The following ZNF565 variants were observed in gnomAD, a reference collection of about 807,000 sequenced individuals.
The protein encoded by ZNF565 is zinc finger protein 565.
A neutral mutation model predicts 39.4 loss-of-function variants in ZNF565; 27 were observed. That is an observed-to-expected ratio of 0.69 (90% CI 0.51 to 0.95). The LOEUF (loss-of-function observed/expected upper bound fraction) is 0.95, where lower values mean the gene tolerates loss of function less well. Ranked by LOEUF, ZNF565 falls within the 40% of genes least tolerant of loss-of-function variation. The probability of loss-of-function intolerance (pLI) is 0.00; values close to 1 mark genes in which losing one functional copy is unlikely to be tolerated. For synonymous variants in ZNF565, 185 were observed against 216.6 expected (o/e 0.85, Z 1.28); for missense variants, 524 against 621.1 (o/e 0.84, Z 1.66).
At position 36,205,908 on chromosome 19, in the gene ZNF565, C is replaced by T. The variant is rs116430490; in HGVS notation, c.-65-3858G>A. 4.3e-3 allele frequency among the ~76,000 whole-genome samples: 647 copies of T among 151,482 alleles called. 4 individuals are homozygous for T. The highest frequency in any genetic ancestry group is 0.013 in the African/African-American group (554 of 41,268). On this transcript the variant is annotated intron_variant, in intron 1 of 4. Coordinates refer to ENST00000304116, the MANE Select transcript of ZNF565 (RefSeq NM_152477.5). ...GTGTCAACTGGCACTGTTCTAGGAA[C>T]GAGGAAAGAAAATAATTCAAGTCCC... is the stretch of plus-strand genomic sequence containing the variant.
chr19:36,182,561 GA>G lies in ZNF565; in HGVS notation c.1404del (p.His469IlefsTer35). The G allele has an allele frequency of 6.2e-7, 1 of 1,613,894 alleles. No homozygotes were observed. Among genetic ancestry groups the G allele is most frequent in the Non-Finnish European group, 8.5e-7 (1 of 1,179,888 alleles). Reference protein sequence around the residue: ...RSSQLTEHQRIHPGIKPYECR... With the variant: ...RSSQLTEHQRXHPGIKPYECR... ...CATTCGTAAGGTTTGATACCAGGAT[GA>G]ATTCTCTGATGTTCGGTAAGTTGTG... On this transcript the variant is annotated frameshift_variant, in exon 5 of 5. Coordinates refer to ENST00000304116, the MANE Select transcript of ZNF565 (RefSeq NM_152477.5). LOFTEE classifies it high-confidence loss of function.
At chr19:36,238,977 T>TCTTATGAGAATGTAACGC (rs1977749052) in intron 1 of ZNF565, among the ~76,000 whole-genome samples, 1 of 152,104 alleles carries the variant, frequency 6.6e-6, no homozygotes, top group Non-Finnish European at 1.5e-5. Flanking sequence ...GTTGTGCGCT[T>TCTTATGAGAATGTAACGC]CTTATGAGAA....
At chr19:36,202,080 T>A (rs1975985929) in intron 1 of ZNF565, 30 bp from the exon 2 acceptor site, 11 of 1,273,320 alleles carry the variant, frequency 8.6e-6, no homozygotes, top group Admixed American at 3.4e-5. Flanking sequence ...GGAGATGGGG[T>A]AACCTCTGAT....
chr19:36,229,248 C>G (rs992121496), intron 1 of ZNF565, among the ~76,000 whole-genome samples: 1 of 152,218 alleles, frequency 6.6e-6, no homozygotes, highest in East Asian at 1.9e-4. Context: ...CCTGTTCTCA[C>G]ACTTCCCGTT....
chr19:36,202,892 G>A (rs998232708), intron 1 of ZNF565, among the ~76,000 whole-genome samples: 1 of 152,096 alleles, frequency 6.6e-6, no homozygotes, highest in Admixed American at 6.6e-5. Flanking sequence ...CACCAGACAG[G>A]AGCAAGAAAG....
intron 1 of ZNF565, among the ~76,000 whole-genome samples, chr19:36,220,384 A>C (rs888114357): frequency 6.8e-6 from 1 of 147,114 alleles, no homozygotes; most frequent in African/African-American, 2.4e-5. Context: ...TTTATTTTTG[A>C]GACGGAGTCT....
intron 1 of ZNF565, among the ~76,000 whole-genome samples, chr19:36,204,095 A>G (rs1976065748): frequency 6.7e-6 from 1 of 150,356 alleles, no homozygotes; most frequent in African/African-American, 2.5e-5. Flanking sequence ...GACCATAGGC[A>G]TGCACCACCA....
rs532329581 is a variant in ZNF565 at position 36,192,218 on chromosome 19, A to G, written c.232+2015T>C. 1.2e-4 allele frequency among the ~76,000 whole-genome samples: 18 copies of G among 151,786 alleles called. No individual in the cohort carries two copies. The East Asian group carries it at 3.5e-3, about 30-fold the overall frequency. ...TGGCCAGGCTGGTCTCGAACTGCTG[A>G]CCTTGTGATTCGCCCGCCTTGGCCT... On this transcript the variant is annotated intron_variant, in intron 4 of 4. Transcript: ENST00000304116.
chr19:36,194,401 G>T, intron 3 of ZNF565, 73 bp from the exon 4 acceptor site: 1 of 1,255,530 alleles, frequency 8.0e-7, no homozygotes. Flanking sequence ...GGTCACCATG[G>T]AAAAGACGCA....
At chr19:36,198,064 G>A (rs907010076) in intron 2 of ZNF565, among the ~76,000 whole-genome samples, 6 of 152,024 alleles carry the variant, frequency 3.9e-5, no homozygotes, top group South Asian at 2.1e-4. Context: ...CAGGAGAATC[G>A]CTTGAACCCA....
At chr19:36,199,922 A>C (rs1268969369) in intron 2 of ZNF565, among the ~76,000 whole-genome samples, 4 of 152,116 alleles carry the variant, frequency 2.6e-5, no homozygotes, top group Non-Finnish European at 5.9e-5. Flanking sequence ...CAGCCTCCCA[A>C]AGTGCTGAAA....
At chr19:36,208,106 A>G (rs1363122628) in intron 1 of ZNF565, among the ~76,000 whole-genome samples, 14 of 152,214 alleles carry the variant, frequency 9.2e-5, no homozygotes. Context: ...AGCTTCAGAA[A>G]TAAGAGCAGA....
chr19:36,217,055 CTTTTTTTTTTTTTT>C (rs752632008), upstream of ZNF565, among the ~76,000 whole-genome samples: 10 of 65,866 alleles, frequency 1.5e-4, no homozygotes. Context: ...CAGTCCCTGT[CTTTTTTTTTTTTTT>C]TTTTTTTTTT....
intron 1 of ZNF565, among the ~76,000 whole-genome samples, chr19:36,221,284 CTTTTTTTTTTTTTT>C (rs74172797): frequency 2.0e-5 from 2 of 98,700 alleles, no homozygotes; most frequent in African/African-American, 8.4e-5. Context: ...TAAGGGACTG[CTTTTTTTTTTTTTT>C]TTTTTTTTGA....
At chr19:36,221,931 T>TC (rs1017265543) in intron 1 of ZNF565, among the ~76,000 whole-genome samples, 1 of 124,966 alleles carries the variant, frequency 8.0e-6, no homozygotes, top group Non-Finnish European at 1.8e-5. Context: ...TTCTTTCTTT[T>TC]TTTTTTTTTT....
intron 4 of ZNF565, among the ~76,000 whole-genome samples, chr19:36,185,519 C>G (rs1355142914): frequency 6.6e-6 from 1 of 151,908 alleles, no homozygotes; most frequent in Non-Finnish European, 1.5e-5. Context: ...TCAGCAAGAG[C>G]AGGGCCTCTT....
chr19:36,183,151 G>A lies in ZNF565; in HGVS notation c.815C>T (p.Thr272Ile). The change falls in exon 5 of 5, where the codon ACT becomes ATT. Residue 272 changes from threonine (T) to isoleucine (I), a missense_variant. By Grantham distance (89) the Thr-to-Ile change is moderately conservative (BLOSUM62 -1). Coordinates refer to ENST00000304116, the MANE Select transcript of ZNF565 (RefSeq NM_152477.5). ...TACGTAGGGTTTCTCGCCTGTGTGA[G>A]TTCTTTGATGCAGAATCAGCTGTGA... ...QHSQLILHQR[T>I]HTGEKPYVCK... The A allele has an allele frequency of 2.5e-6, 4 of 1,614,072 alleles. No individual in the cohort carries two copies. The highest frequency in any genetic ancestry group is 3.4e-6 in the Non-Finnish European group (4 of 1,180,026).
At chr19:36,192,668 G>A (rs909298161) in intron 4 of ZNF565, among the ~76,000 whole-genome samples, 8 of 151,942 alleles carry the variant, frequency 5.3e-5, no homozygotes, top group Non-Finnish European at 7.4e-5. Context: ...TTGAATCTGG[G>A]AGGCGGAGGT....
At chr19:36,218,353 T>A (rs536343599), upstream of ZNF565, among the ~76,000 whole-genome samples, 1 of 152,152 alleles carries the variant, frequency 6.6e-6, no homozygotes, top group African/African-American at 2.4e-5. Context: ...TAATGTTAAA[T>A]ACTAGTACTT....
Sources: gnomAD v4.1 joint callset for allele counts (sites outside exome capture counted in the v4.1 genomes callset) on GRCh38, gnomAD v4.1.1 for gene constraint, MANE v1.5 for transcripts, NCBI Gene and HGNC (gene_info 2026-07-23, HGNC 2026-07-21) for gene names.